The following CCNY variants were observed in gnomAD, a reference collection of about 807,000 sequenced individuals.
The protein encoded by CCNY is cyclin Y.
In CCNY, 19 loss-of-function variants were observed where a neutral mutation model predicts 42.8. The observed-to-expected ratio is 0.44, with a 90% CI of 0.31 to 0.65. The LOEUF (loss-of-function observed/expected upper bound fraction) is 0.65, where lower values mean the gene tolerates loss of function less well. Ranked by LOEUF, CCNY falls within the 30% of genes least tolerant of loss-of-function variation. The pLI is 0.07. For synonymous variants in CCNY, 165 were observed against 162.7 expected, an observed-to-expected ratio of 1.01 and a Z score of -0.11; for missense variants, 370 against 437.3, an observed-to-expected ratio of 0.85 and a Z score of 1.37.
intron 8 of CCNY, among the ~76,000 whole-genome samples, chr10:35,563,792 C>T (rs886933634): frequency 2.6e-5 from 4 of 152,142 alleles, no homozygotes; most frequent in East Asian, 1.9e-4. Context: ...CTGCAACTTC[C>T]GCCTCCTGGG....
At chr10:35,350,644 C>G (rs1232578865) in intron 1 of CCNY, among the ~76,000 whole-genome samples, 1 of 152,102 alleles carries the variant, frequency 6.6e-6, no homozygotes, top group Non-Finnish European at 1.5e-5. Flanking sequence ...TCAAGGGCAT[C>G]CTTAGTGGAA....
At chr10:35,522,977 G>T (rs1169714339) in intron 4 of CCNY, among the ~76,000 whole-genome samples, 3 of 152,142 alleles carry the variant, frequency 2.0e-5, no homozygotes, top group Non-Finnish European at 4.4e-5. Context: ...CTGGCTGTTC[G>T]GGTGAATGCC....
At chr10:35,255,115 A>G (rs910576471) in intron 3 of CCNY, among the ~76,000 whole-genome samples, 9 of 62,824 alleles carry the variant, frequency 1.4e-4, no homozygotes, top group Non-Finnish European at 1.9e-4. Context: ...ATAACTGTAT[A>G]TGTCTAATAG....
chr10:35,544,362 GTTA>G, intron 7 of CCNY, among the ~76,000 whole-genome samples: 1 of 152,164 alleles, frequency 6.6e-6, no homozygotes, highest in Non-Finnish European at 1.5e-5. Flanking sequence ...TTGTGTTCCA[GTTA>G]CCAACAATAT....
At chr10:35,539,616 A>G (rs113964714) in intron 7 of CCNY, among the ~76,000 whole-genome samples, 1,668 of 152,156 alleles carry the variant, frequency 0.011, 26 homozygotes, top group African/African-American at 0.038. Flanking sequence ...GTGAAACCCC[A>G]TCTCTACTAA....
intron 7 of CCNY, among the ~76,000 whole-genome samples, chr10:35,547,581 T>C (rs550722162): frequency 4.6e-5 from 7 of 152,196 alleles, no homozygotes; most frequent in Non-Finnish European, 8.8e-5. Flanking sequence ...TGCAGTTCTC[T>C]TTCCTGAATG....
intron 8 of CCNY, among the ~76,000 whole-genome samples, chr10:35,561,089 T>C (rs1409789033): frequency 6.6e-6 from 1 of 152,196 alleles, no homozygotes; most frequent in Non-Finnish European, 1.5e-5. Flanking sequence ...CTGCAGTACC[T>C]TAGATGAACA....
chr10:35,438,316 T>TG (rs1838585685), intron 1 of CCNY, among the ~76,000 whole-genome samples: 7 of 135,710 alleles, frequency 5.2e-5, no homozygotes, highest in Non-Finnish European at 1.2e-4. Context: ...GCCTGACTAA[T>TG]TAAAAAAAAA....
At chr10:35,523,673 G>A (rs925323885) in intron 4 of CCNY, among the ~76,000 whole-genome samples, 6 of 152,224 alleles carry the variant, frequency 3.9e-5, no homozygotes, top group African/African-American at 9.6e-5. Context: ...CCATTCGGCA[G>A]AAGCCAGAGG....
At chr10:35,357,174 C>T (rs1413035563) in intron 1 of CCNY, among the ~76,000 whole-genome samples, 1 of 151,010 alleles carries the variant, frequency 6.6e-6, no homozygotes, top group Non-Finnish European at 1.5e-5. Context: ...GCCCCTGCTC[C>T]TGCCCCTGCC....
intron 3 of CCNY, among the ~76,000 whole-genome samples, chr10:35,294,345 G>A (rs1047154202): frequency 2.0e-5 from 3 of 152,170 alleles, no homozygotes; most frequent in African/African-American, 7.2e-5. Flanking sequence ...TGATCTGAGA[G>A]TGAAAATATT....
At chr10:35,264,716 G>A (rs1286859706) in intron 3 of CCNY, among the ~76,000 whole-genome samples, 19 of 151,990 alleles carry the variant, frequency 1.3e-4, no homozygotes, top group African/African-American at 3.4e-4. Flanking sequence ...GTGCAGTGGC[G>A]TGATCTCGGG....
intron 3 of CCNY, among the ~76,000 whole-genome samples, chr10:35,512,001 AGGT>A (rs1840334232): frequency 6.6e-6 from 1 of 152,202 alleles, no homozygotes; most frequent in Non-Finnish European, 1.5e-5. Context: ...CCTCGAGGCA[AGGT>A]GGTTACTGTA....
At chr10:35,351,747 C>T (rs1408326675) in intron 1 of CCNY, among the ~76,000 whole-genome samples, 2 of 152,172 alleles carry the variant, frequency 1.3e-5, no homozygotes, top group Non-Finnish European at 2.9e-5. Flanking sequence ...ATGAGATACC[C>T]TTACAGGACC....
chr10:35,263,855 T>G (rs908007218), intron 3 of CCNY, among the ~76,000 whole-genome samples: 2 of 152,140 alleles, frequency 1.3e-5, no homozygotes, highest in African/African-American at 4.8e-5. Flanking sequence ...CAACAGGCCC[T>G]AGTGTGTGTT....
intron 1 of CCNY, among the ~76,000 whole-genome samples, chr10:35,441,587 A>C (rs1490081598): frequency 6.6e-6 from 1 of 152,180 alleles, no homozygotes; most frequent in East Asian, 1.9e-4. Context: ...TCAACTAAAA[A>C]TAAAAAAGGA....
intron 2 of CCNY, among the ~76,000 whole-genome samples, chr10:35,491,281 T>G (rs1839889201): frequency 1.3e-5 from 2 of 152,184 alleles, no homozygotes; most frequent in African/African-American, 4.8e-5. Context: ...AAATTGACAA[T>G]GGACACACCT....
chr10:35,561,807 T>C (rs949000508), intron 8 of CCNY, among the ~76,000 whole-genome samples: 13 of 152,242 alleles, frequency 8.5e-5, no homozygotes, highest in South Asian at 4.1e-4. Context: ...TGCAGCTGCG[T>C]ATCTGTGGGC....
At chr10:35,305,533 G>T (rs1162421835) in intron 3 of CCNY, among the ~76,000 whole-genome samples, 1 of 152,158 alleles carries the variant, frequency 6.6e-6, no homozygotes, top group Non-Finnish European at 1.5e-5. Flanking sequence ...GCATCTGGGG[G>T]CATATAATTG....
Sources: gnomAD v4.1 joint callset for allele counts (sites outside exome capture counted in the v4.1 genomes callset) on GRCh38, gnomAD v4.1.1 for gene constraint, MANE v1.5 for transcripts, NCBI Gene and HGNC (gene_info 2026-07-23, HGNC 2026-07-21) for gene names.